The following NRG3 variants were observed in gnomAD, a reference collection of about 807,000 sequenced individuals.
NRG3 encodes pro-neuregulin-3, membrane-bound isoform.
NRG3 carries 31 observed loss-of-function variants against 66.9 expected under a neutral mutation model. The observed-to-expected ratio is 0.46, with a 90% confidence interval of 0.35 to 0.63. The LOEUF is 0.63. Among genes scored for constraint, NRG3 ranks in the 20% least tolerant of loss-of-function variants. The probability of loss-of-function intolerance (pLI) is 0.00; values close to 1 mark genes in which losing one functional copy is unlikely to be tolerated. For missense variants in NRG3, 910 were observed against 878.9 expected (o/e 1.04, Z -0.45); for synonymous variants, 393 against 359.4 (o/e 1.09, Z -1.06).
chr10:82,959,041 A>G lies in NRG3; in HGVS notation c.1250A>G (p.Glu417Gly), dbSNP rs760957629. The G allele has an allele frequency of 2.3e-5, 37 of 1,607,170 alleles. No homozygotes were observed. The highest frequency in any genetic ancestry group is 3.1e-5 in the Non-Finnish European group (36 of 1,178,072). Residue 417 changes from glutamate (E) to glycine (G), a missense_variant, in exon 6 of 9, where the codon GAG (glutamate) becomes GGG (glycine). Transcript: ENST00000372141. ...GCATCCAGCACAATGGCAAAGTCAG[A>G]GAACTTGGTGAAGAGCCATGTCCAG... is the stretch of plus-strand genomic sequence containing the variant. ...LKASSTMAKS[E>G]NLVKSHVQLQ...
chr10:82,053,032 T>TATTC (rs111749687), intron 1 of NRG3, among the ~76,000 whole-genome samples: 1 of 144,762 alleles, frequency 6.9e-6, no homozygotes, highest in Non-Finnish European at 1.5e-5. Flanking sequence ...CAAATGTTTT[T>TATTC]ATTCATTCAT....
intron 2 of NRG3, among the ~76,000 whole-genome samples, chr10:82,449,275 A>G (rs2090901502): frequency 6.6e-6 from 1 of 152,212 alleles, no homozygotes; most frequent in South Asian, 2.1e-4. Flanking sequence ...GGGGTCCAAC[A>G]AAGGAAGAAT....
chr10:82,919,670 A>G (rs142903979), intron 4 of NRG3, among the ~76,000 whole-genome samples: 1,528 of 152,336 alleles, frequency 0.01, 26 homozygotes, highest in African/African-American at 0.035. Flanking sequence ...AAGGAAAGTC[A>G]TCAATGCATT....
At chr10:82,194,718 G>A (rs2074354973) in intron 1 of NRG3, among the ~76,000 whole-genome samples, 1 of 152,156 alleles carries the variant, frequency 6.6e-6, no homozygotes, top group Non-Finnish European at 1.5e-5. Flanking sequence ...GTTTGACAGT[G>A]CAGGTGGCAT....
chr10:82,514,065 T>A (rs1845438918), intron 2 of NRG3, among the ~76,000 whole-genome samples: 1 of 152,196 alleles, frequency 6.6e-6, no homozygotes, highest in Non-Finnish European at 1.5e-5. Flanking sequence ...TTGTTTAAGT[T>A]CCTTGTAGAT....
chr10:82,068,692 C>G (rs1282801169), intron 1 of NRG3, among the ~76,000 whole-genome samples: 1 of 151,870 alleles, frequency 6.6e-6, no homozygotes, highest in African/African-American at 2.4e-5. Context: ...CCAGAGGGAG[C>G]GGGCAGGGAA....
chr10:82,031,134 C>A (rs2062550693), intron 1 of NRG3, among the ~76,000 whole-genome samples: 1 of 152,232 alleles, frequency 6.6e-6, no homozygotes, highest in African/African-American at 2.4e-5. Flanking sequence ...GAAGACCCGT[C>A]CCATTTATAT....
At chr10:82,412,263 G>A (rs1225203827) in intron 2 of NRG3, among the ~76,000 whole-genome samples, 1 of 152,124 alleles carries the variant, frequency 6.6e-6, no homozygotes, top group Non-Finnish European at 1.5e-5. Flanking sequence ...CATTGGGAAC[G>A]TTGTGGTTTC....
At chr10:82,945,910 G>C (rs947342990) in intron 4 of NRG3, among the ~76,000 whole-genome samples, 3 of 152,142 alleles carry the variant, frequency 2.0e-5, no homozygotes, top group Non-Finnish European at 4.4e-5. Context: ...AGGAGGATGT[G>C]TTTAAGCCTA....
intron 3 of NRG3, among the ~76,000 whole-genome samples, chr10:82,862,877 T>C (rs192287602): frequency 6.6e-6 from 1 of 152,342 alleles, no homozygotes; most frequent in Non-Finnish European, 1.5e-5. Flanking sequence ...AGTTCTGGGA[T>C]ACATGTGCAG....
intron 3 of NRG3, among the ~76,000 whole-genome samples, chr10:82,742,184 C>T (rs1398157629): frequency 2.6e-5 from 4 of 152,000 alleles, no homozygotes; most frequent in African/African-American, 7.2e-5. Context: ...GGTGAGAAAC[C>T]GCTGCTCTTT....
At chr10:82,311,428 A>G (rs1040176813) in intron 1 of NRG3, among the ~76,000 whole-genome samples, 2 of 152,192 alleles carry the variant, frequency 1.3e-5, no homozygotes, top group Non-Finnish European at 2.9e-5. Context: ...AGATAGTGAC[A>G]AATCAAGTCA....
chr10:82,174,040 G>A (rs2072843488), intron 1 of NRG3, among the ~76,000 whole-genome samples: 1 of 152,020 alleles, frequency 6.6e-6, no homozygotes. Context: ...CTATTACAGT[G>A]GCTACCGGAA....
chr10:82,425,638 T>A (rs1314065962), intron 2 of NRG3, among the ~76,000 whole-genome samples: 2 of 152,168 alleles, frequency 1.3e-5, no homozygotes, highest in Non-Finnish European at 2.9e-5. Flanking sequence ...GACTTGTAAT[T>A]ATTTTGTTGA....
chr10:82,843,068 T>C (rs915819041), intron 3 of NRG3, among the ~76,000 whole-genome samples: 1 of 152,198 alleles, frequency 6.6e-6, no homozygotes, highest in Non-Finnish European at 1.5e-5. Flanking sequence ...TGGACCATAA[T>C]TGACTATAGA....
chr10:81,893,878 C>T (rs1275078565), intron 1 of NRG3, among the ~76,000 whole-genome samples: 1 of 152,140 alleles, frequency 6.6e-6, no homozygotes, highest in Non-Finnish European at 1.5e-5. Context: ...AGTTCTAAAA[C>T]TTCCCAGTAT....
At chr10:82,626,414 T>C (rs894028461) in intron 2 of NRG3, among the ~76,000 whole-genome samples, 1 of 152,142 alleles carries the variant, frequency 6.6e-6, no homozygotes, top group Non-Finnish European at 1.5e-5. Context: ...GCTTCCATAC[T>C]GACCATGAAG....
chr10:82,207,048 T>G (rs1462739543), intron 1 of NRG3, among the ~76,000 whole-genome samples: 2 of 152,148 alleles, frequency 1.3e-5, no homozygotes, highest in African/African-American at 4.8e-5. Context: ...TTCCTAATTG[T>G]TTTTGACACA....
At position 82,176,906 on chromosome 10, in the gene NRG3, A is replaced by ACACACACAC. The variant is rs1251109253; in HGVS notation, c.824-181833_824-181832insCACACACAC. Reference sequence around the variant, plus strand: ...ACACACACACACACACACACACACAAACACACACACACACTCGGAGGGTTT... The same window carrying ACACACACAC: ...ACACACACACACACACACACACACAACACACACACACACACACACACACTCGGAGGGTTT... On this transcript the variant is annotated intron_variant, in intron 1 of 8. Coordinates refer to ENST00000372141, the MANE Select transcript of NRG3 (RefSeq NM_001010848.4). Among the ~76,000 whole-genome samples, 194 of 51,582 alleles carry ACACACACAC rather than the reference A, an allele frequency of 3.8e-3. 3 individuals carry two copies. In the East Asian group the frequency reaches 0.047, roughly 12 times the overall value. The allele number at this position is 51,582 out of a possible 152,430, so 33.8% of individuals were successfully genotyped here.
Sources: gnomAD v4.1 joint callset for allele counts (sites outside exome capture counted in the v4.1 genomes callset) on GRCh38, gnomAD v4.1.1 for gene constraint, MANE v1.5 for transcripts, NCBI Gene and HGNC (gene_info 2026-07-23, HGNC 2026-07-21) for gene names.